MECOM: variants seen among roughly 807,000 people sequenced by gnomAD.
MECOM encodes MDS1 and EVI1 complex locus, also known as histone-lysine N-methyltransferase MECOM.
MECOM carries 13 observed loss-of-function variants against 116.3 expected under a neutral mutation model. The observed-to-expected ratio is 0.11, with a 90% confidence interval of 0.07 to 0.18. MECOM has a LOEUF of 0.18. MECOM is among the 10% of genes least tolerant of loss of function. The pLI, the probability that MECOM is intolerant of heterozygous loss-of-function variation, is 1.00. For missense variants in MECOM, 1,299 were observed against 1,509.0 expected (o/e 0.86, Z 2.31); for synonymous variants, 528 against 535.2 (o/e 0.99, Z 0.19).
rs75123754 is a variant in MECOM, at chr3:169,430,191, T to C, written c.38-48667A>G. The stretch of plus-strand genomic sequence containing the variant: ...ATTCTGGATGGCCTCTGGCAGAAAA[T>C]GTTATATAGCTATAAAATGCAATCT... On this transcript the variant is annotated intron_variant, in intron 1 of 16. Transcript: ENST00000651503. 4.4e-3 allele frequency among the ~76,000 whole-genome samples: 671 copies of C among 152,244 alleles called. 6 individuals are homozygous for C. The highest frequency in any genetic ancestry group is 0.016 in the African/African-American group (646 of 41,560).
At chr3:169,539,651 G>C (rs1161469554) in intron 1 of MECOM, among the ~76,000 whole-genome samples, 1 of 151,928 alleles carries the variant, frequency 6.6e-6, no homozygotes, top group South Asian at 2.1e-4. Flanking sequence ...ATTCTCTTTG[G>C]ATACTATAAC....
chr3:169,140,402 C>T (rs548330664), intron 3 of MECOM, among the ~76,000 whole-genome samples: 2 of 152,118 alleles, frequency 1.3e-5, no homozygotes, highest in African/African-American at 4.8e-5. Context: ...GTGACTGTGA[C>T]TCAATTGACT....
intron 2 of MECOM, among the ~76,000 whole-genome samples, chr3:169,329,354 T>A (rs1326682377): frequency 2.0e-5 from 3 of 152,226 alleles, no homozygotes; most frequent in Non-Finnish European, 4.4e-5. Context: ...AATTTTCCTA[T>A]AATGCTTCTA....
intron 2 of MECOM, among the ~76,000 whole-genome samples, chr3:169,360,290 T>TAAA (rs1203615730): frequency 1.1e-3 from 33 of 29,390 alleles, no homozygotes; most frequent in African/African-American, 1.7e-3. Context: ...TAAAGTATAA[T>TAAA]AAAAAAAAAA....
intron 2 of MECOM, among the ~76,000 whole-genome samples, chr3:169,311,593 A>G (rs928282821): frequency 2.0e-5 from 3 of 152,206 alleles, no homozygotes. Flanking sequence ...CACAGTTTAC[A>G]TAATACAGGA....
intron 2 of MECOM, among the ~76,000 whole-genome samples, chr3:169,287,054 G>A (rs139452361): frequency 1.3e-5 from 2 of 152,194 alleles, no homozygotes; most frequent in Non-Finnish European, 2.9e-5. Context: ...ACCCCAGCTC[G>A]GCAGCTGGAG....
intron 3 of MECOM, chr3:169,131,915 T>C (rs1282483761): frequency 2.0e-6 from 2 of 1,009,216 alleles, no homozygotes; most frequent in African/African-American, 1.7e-5. Flanking sequence ...CCTGGAATTC[T>C]CCAGCAGTAG....
At chr3:169,262,078 A>C (rs537891709) in intron 2 of MECOM, among the ~76,000 whole-genome samples, 71 of 152,334 alleles carry the variant, frequency 4.7e-4, no homozygotes, top group African/African-American at 1.7e-3. Context: ...CTTGGAATAA[A>C]CTAATGGACA....
intron 2 of MECOM, chr3:169,149,485 G>A (rs922472446): frequency 8.3e-6 from 2 of 240,536 alleles, no homozygotes; most frequent in African/African-American, 2.3e-5. Context: ...GCAGGACGCC[G>A]GTAGATGGCA....
intron 2 of MECOM, among the ~76,000 whole-genome samples, chr3:169,224,514 T>G (rs1752501290): frequency 6.6e-6 from 1 of 152,178 alleles, no homozygotes; most frequent in Non-Finnish European, 1.5e-5. Flanking sequence ...TATAGAAAAG[T>G]ACAGTGCTAT....
intron 1 of MECOM, among the ~76,000 whole-genome samples, chr3:169,628,836 A>G (rs917579265): frequency 1.3e-5 from 2 of 152,220 alleles, no homozygotes; most frequent in Non-Finnish European, 2.9e-5. Context: ...ACCAGGAAGC[A>G]CAGGTGCTCT....
intron 1 of MECOM, among the ~76,000 whole-genome samples, chr3:169,558,914 A>C (rs1298283103): frequency 1.3e-5 from 2 of 152,162 alleles, no homozygotes; most frequent in African/African-American, 4.8e-5. Context: ...AACAATAATG[A>C]ATGATGATAG....
At chr3:169,315,924 A>G (rs914968254) in intron 2 of MECOM, among the ~76,000 whole-genome samples, 3 of 152,252 alleles carry the variant, frequency 2.0e-5, no homozygotes, top group African/African-American at 7.2e-5. Flanking sequence ...TAACACAGGT[A>G]AAGTCAAATA....
At chr3:169,177,381 C>A (rs1745319609) in intron 2 of MECOM, among the ~76,000 whole-genome samples, 1 of 152,024 alleles carries the variant, frequency 6.6e-6, no homozygotes, top group Non-Finnish European at 1.5e-5. Flanking sequence ...GAAAATCAAA[C>A]ACCACATGTT....
Position 169,390,874 on chromosome 3 carries a change from A to G in MECOM, c.38-9350T>C, listed in dbSNP as rs117869411. On this transcript the variant is annotated intron_variant, in intron 1 of 16. Coordinates refer to ENST00000651503, the MANE Select transcript of MECOM (RefSeq NM_004991.4). Reference sequence around the variant, plus strand: ...AATATATTCTGGGTGAAAATATTCAAAACAACCCCCAAAAGATGAAGATCA... The same window carrying G: ...AATATATTCTGGGTGAAAATATTCAGAACAACCCCCAAAAGATGAAGATCA... Among the ~76,000 whole-genome samples the G allele has an allele frequency of 2.9e-4, 44 of 152,302 alleles. 1 individual carries two copies. The East Asian group carries it at 7.9e-3, about 27-fold the overall frequency.
In MECOM at chr3:169,367,885, T is replaced by C. The variant is rs574301012; in HGVS notation, c.375+13302A>G. Among the ~76,000 whole-genome samples, 5 of 152,156 alleles carry C rather than the reference T, an allele frequency of 3.3e-5. No homozygotes were observed. The South Asian group carries it at 1.0e-3, about 32-fold the overall frequency. On this transcript the variant is annotated intron_variant, in intron 2 of 16. Transcript: ENST00000651503. ...CTGAGAAGATACCTGTGAGATCTCC[T>C]TAGGTCATGTGGACCCAGCTCACAC...
Position 169,661,677 on chromosome 3 carries a change from C to T in MECOM, c.37+1659G>A, listed in dbSNP as rs558086559. Reference sequence around the variant, plus strand: ...CGGGGCTACACCGCCGACTCCAATGCCCGCGAAGCCGAGCCTGCTGAGGTG... The same window carrying T: ...CGGGGCTACACCGCCGACTCCAATGTCCGCGAAGCCGAGCCTGCTGAGGTG... On this transcript the variant is annotated intron_variant, in intron 1 of 16. Transcript: ENST00000651503. Among the ~76,000 whole-genome samples the T allele has an allele frequency of 1.7e-3, 258 of 152,314 alleles. 2 individuals are homozygous for T. Among genetic ancestry groups the T allele is most frequent in the African/African-American group, 6.0e-3 (249 of 41,554 alleles).
intron 1 of MECOM, among the ~76,000 whole-genome samples, chr3:169,581,384 T>G (rs947462264): frequency 1.3e-5 from 2 of 152,162 alleles, no homozygotes; most frequent in Non-Finnish European, 2.9e-5. Context: ...CATCAAACCC[T>G]ACCTAATGGG....
intron 1 of MECOM, among the ~76,000 whole-genome samples, chr3:169,439,726 C>T (rs1401220994): frequency 4.6e-5 from 7 of 152,090 alleles, no homozygotes; most frequent in African/African-American, 1.4e-4. Flanking sequence ...CAGTCTTGTA[C>T]GTACATACTA....
Sources: gnomAD v4.1 joint callset for allele counts (sites outside exome capture counted in the v4.1 genomes callset) on GRCh38, gnomAD v4.1.1 for gene constraint, MANE v1.5 for transcripts, NCBI Gene and HGNC (gene_info 2026-07-23, HGNC 2026-07-21) for gene names.